The following GPR157 variants were observed in gnomAD, a reference collection of about 807,000 sequenced individuals.
The protein encoded by GPR157 is G protein-coupled receptor 157.
Under a neutral mutation model 23.5 loss-of-function variants are expected in GPR157, and 16 were observed. That is an observed-to-expected ratio of 0.68 (90% CI 0.46 to 1.04). The LOEUF (loss-of-function observed/expected upper bound fraction) is 1.04. GPR157 is among the 50% of genes least tolerant of loss of function. The probability of loss-of-function intolerance (pLI) is 0.00; values close to 1 mark genes in which losing one functional copy is unlikely to be tolerated. For missense variants in GPR157, 440 were observed against 460.7 expected, an observed-to-expected ratio of 0.96 and a Z score of 0.41; for synonymous variants, 200 against 221.5, an observed-to-expected ratio of 0.90 and a Z score of 0.86.
chr1:9,106,042 G>A (rs556281522), intron 2 of GPR157, among the ~76,000 whole-genome samples: 6 of 152,038 alleles, frequency 3.9e-5, no homozygotes, highest in Non-Finnish European at 5.9e-5. Context: ...GCCCACATCC[G>A]ATCCCCAGCA....
At position 9,105,912 on chromosome 1, in the gene GPR157, T is replaced by C. The variant is rs972992242; in HGVS notation, c.598-232A>G. 6.6e-6 allele frequency among the ~76,000 whole-genome samples: 1 copy of C among 152,016 alleles called. No homozygotes were observed. On this transcript the variant is annotated intron_variant, in intron 2 of 3. Transcript: ENST00000377411. The surrounding 1 kb of genome is among the most constrained non-coding windows in gnomAD (Gnocchi z 4.8). ...AACAGCTCACATCCAAGACAGAAGA[T>C]GGATCTTGACCCCTGAGGCCAATGC... is the stretch of plus-strand genomic sequence containing the variant.
chr1:9,119,369 A>C (rs1183721172), intron 1 of GPR157, among the ~76,000 whole-genome samples: 1 of 152,078 alleles, frequency 6.6e-6, no homozygotes, highest in Non-Finnish European at 1.5e-5. Context: ...AACAACAAAA[A>C]CAAGAAGTGA....
chr1:9,104,384 C>T lies in GPR157; in HGVS notation c.*35G>A, dbSNP rs999078145. 6.5e-7 allele frequency: 1 copy of T among 1,533,098 alleles called. No homozygotes were observed. Among genetic ancestry groups the T allele is most frequent in the Admixed American group, 1.7e-5 (1 of 58,050 alleles). The allele number at this position is 1,533,098 out of a possible 1,614,324, so 95.0% of individuals were successfully genotyped here. A position where few individuals can be genotyped will look rare whatever the true frequency, so the allele number is the denominator to read the frequency against. ...ACAGAAGTGCCTACCCCCAGGAAGGCAGCACCTATGCACAGAACTAGAAAG... is the reference window on the plus strand; with the variant it reads ...ACAGAAGTGCCTACCCCCAGGAAGGTAGCACCTATGCACAGAACTAGAAAG... On this transcript the variant is annotated 3_prime_UTR_variant, in exon 4 of 4. Coordinates refer to ENST00000377411, the MANE Select transcript of GPR157 (RefSeq NM_024980.5).
chr1:9,108,553 A>C (rs964358360), intron 2 of GPR157, among the ~76,000 whole-genome samples: 1 of 152,232 alleles, frequency 6.6e-6, no homozygotes, highest in Non-Finnish European at 1.5e-5. Context: ...GAAACTTTCC[A>C]GGGCAGTGGA....
rs887154840 is a variant in GPR157 at position 9,120,137 on chromosome 1, A to G, written c.383+8508T>C. ...CAAATGGACAGTTATATTGAAAAGCAGCCCACTGGTTTTCAAAGACCCTTA... is the reference window on the plus strand; with the variant it reads ...CAAATGGACAGTTATATTGAAAAGCGGCCCACTGGTTTTCAAAGACCCTTA... On this transcript the variant is annotated intron_variant, in intron 1 of 3. Coordinates refer to ENST00000377411, the MANE Select transcript of GPR157 (RefSeq NM_024980.5). The surrounding 1 kb of genome is among the most constrained non-coding windows in gnomAD (Gnocchi z 4.1). 2.6e-5 allele frequency among the ~76,000 whole-genome samples: 4 copies of G among 152,174 alleles called. No homozygotes were observed. Among genetic ancestry groups the G allele is most frequent in the African/African-American group, 7.2e-5 (3 of 41,444 alleles).
At chr1:9,112,847 T>C (rs904191246) in intron 1 of GPR157, among the ~76,000 whole-genome samples, 1 of 152,154 alleles carries the variant, frequency 6.6e-6, no homozygotes, top group Admixed American at 6.5e-5. Flanking sequence ...GTTCCTTACA[T>C]AGCAATGGAG....
At chr1:9,124,340 A>C (rs1280663221) in intron 1 of GPR157, among the ~76,000 whole-genome samples, 3 of 152,216 alleles carry the variant, frequency 2.0e-5, no homozygotes, top group Admixed American at 2.0e-4. Flanking sequence ...AATTGCATGC[A>C]GGATTGTGTA....
chr1:9,122,173 C>A (rs1297831868), intron 1 of GPR157, among the ~76,000 whole-genome samples: 1 of 152,196 alleles, frequency 6.6e-6, no homozygotes, highest in African/African-American at 2.4e-5. Context: ...CCCTCCACAG[C>A]AGCTCTGGCC....
chr1:9,105,487 T>C lies in GPR157; in HGVS notation c.791A>G (p.His264Arg). 8 of 1,559,926 alleles carry C rather than the reference T, an allele frequency of 5.1e-6. No homozygotes were observed. The highest frequency in any genetic ancestry group is 7.0e-6 in the Non-Finnish European group (8 of 1,150,898). Reference protein sequence around the residue: ...AVQTPVLVVLHGIGNTFQGGA... With the variant: ...AVQTPVLVVLRGIGNTFQGGA... ...AAGGGCCAGGGAGGGCAGACCTACA[T>C]GCAGAACCACCAGCACCGGCGTCTG... The change falls in exon 3 of 4, where the codon CAT (histidine) becomes CGT (arginine). Residue 264 changes from histidine (H) to arginine (R), a missense_variant and splice_region_variant. Coordinates refer to ENST00000377411, the MANE Select transcript of GPR157 (RefSeq NM_024980.5). The surrounding 1 kb of genome is among the most constrained non-coding windows in gnomAD (Gnocchi z 4.8).
In GPR157 at chr1:9,120,196, G is replaced by C. The variant is rs1426592178; in HGVS notation, c.383+8449C>G. Among the ~76,000 whole-genome samples, 2 of 152,146 alleles carry C rather than the reference G, an allele frequency of 1.3e-5. No individual in the cohort carries two copies. The highest frequency in any genetic ancestry group is 2.9e-5 in the Non-Finnish European group (2 of 68,024). ...TCCCTGCTGCCAGGAAGGGGTCAGA[G>C]GTTAGACTGAAGGGGGCTCAAGGCA... On this transcript the variant is annotated intron_variant, in intron 1 of 3. Coordinates refer to ENST00000377411, the MANE Select transcript of GPR157 (RefSeq NM_024980.5). This position sits in a 1 kb window ranked among gnomAD's most constrained non-coding sequence, Gnocchi z 4.1.
intron 1 of GPR157, among the ~76,000 whole-genome samples, chr1:9,127,945 G>A (rs900108782): frequency 6.6e-6 from 1 of 152,094 alleles, no homozygotes; most frequent in African/African-American, 2.4e-5. Context: ...CGCTTGAATC[G>A]CAAAGTAAGG....
chr1:9,126,798 T>C (rs1638971591), intron 1 of GPR157, among the ~76,000 whole-genome samples: 1 of 152,350 alleles, frequency 6.6e-6, no homozygotes, highest in East Asian at 1.9e-4. Flanking sequence ...CTCTCTAGCT[T>C]GGATACAGAT....
intron 1 of GPR157, among the ~76,000 whole-genome samples, chr1:9,119,587 T>C (rs1638757012): frequency 6.6e-6 from 1 of 152,160 alleles, no homozygotes; most frequent in Admixed American, 6.5e-5. Flanking sequence ...TGAGGCTTTC[T>C]ACAGACTAGG....
rs1013357553 is a variant in GPR157, at chr1:9,105,516, G to T, written c.762C>A (p.Ala254=). 6.3e-7 allele frequency: 1 copy of T among 1,583,692 alleles called. No individual in the cohort carries two copies. The highest frequency in any genetic ancestry group is 1.2e-5 in the South Asian group (1 of 86,652). ...RFVLTLCGSP[A]VQTPVLVVLH... The stretch of plus-strand genomic sequence containing the variant: ...GAACCACCAGCACCGGCGTCTGCAC[G>T]GCCGGGGAGCCACAGAGGGTCAGCA... The change falls in exon 3 of 4, where the codon GCC becomes GCA. Residue 254 remains alanine, a synonymous_variant. Coordinates refer to ENST00000377411, the MANE Select transcript of GPR157 (RefSeq NM_024980.5). This position sits in a 1 kb window ranked among gnomAD's most constrained non-coding sequence, Gnocchi z 4.8.
In GPR157 at chr1:9,105,978, G is replaced by C. The variant is rs952904403; in HGVS notation, c.598-298C>G. Among the ~76,000 whole-genome samples the C allele has an allele frequency of 3.3e-5, 5 of 152,118 alleles. No individual in the cohort carries two copies. The highest frequency in any genetic ancestry group is 5.9e-5 in the Non-Finnish European group (4 of 68,016). ...AGCTCATGGAAACAACAGCTTTCTC[G>C]TTGCCCAGGCCAAAGCCTTGGGGCT... On this transcript the variant is annotated intron_variant, in intron 2 of 3. Transcript: ENST00000377411. This position sits in a 1 kb window ranked among gnomAD's most constrained non-coding sequence, Gnocchi z 4.8.
intron 1 of GPR157, among the ~76,000 whole-genome samples, chr1:9,124,127 A>G (rs1344906621): frequency 2.0e-5 from 3 of 152,042 alleles, no homozygotes; most frequent in Non-Finnish European, 2.9e-5. Context: ...ACTGTGCCCA[A>G]CCTAAAAATA....
intron 2 of GPR157, 97 bp downstream of exon 2, chr1:9,111,179 G>T (rs12135666): frequency 0.21 from 232,129 of 1,122,688 alleles, 25,580 homozygotes; most frequent in Admixed American, 0.28. Flanking sequence ...CCCCAGAGAC[G>T]CAACCTGTCC....
At chr1:9,114,482 A>G (rs1638591228) in intron 1 of GPR157, among the ~76,000 whole-genome samples, 1 of 152,074 alleles carries the variant, frequency 6.6e-6, no homozygotes, top group African/African-American at 2.4e-5. Flanking sequence ...GTCCCCCTGC[A>G]GGAGGCTGGT....
Position 9,124,270 on chromosome 1 carries a change from C to T in GPR157, c.383+4375G>A, listed in dbSNP as rs181503065. Among the ~76,000 whole-genome samples the T allele has an allele frequency of 3.3e-5, 5 of 152,234 alleles. No homozygotes were observed. The East Asian group carries it at 9.6e-4, about 29-fold the overall frequency. On this transcript the variant is annotated intron_variant, in intron 1 of 3. Transcript: ENST00000377411. ...GAGCCTCTCCTTTACTGAAGGGAGA[C>T]TCCCTGAAACTATTGGTATGGCATA...
Sources: gnomAD v4.1 joint callset for allele counts (sites outside exome capture counted in the v4.1 genomes callset) on GRCh38, gnomAD v4.1.1 for gene constraint, Gnocchi (gnomAD v3.1) non-coding constraint, MANE v1.5 for transcripts, NCBI Gene and HGNC (gene_info 2026-07-23, HGNC 2026-07-21) for gene names.